RIMS3: variants seen among roughly 807,000 people sequenced by gnomAD.
The protein encoded by RIMS3 is regulating synaptic membrane exocytosis 3.
RIMS3 carries 15 observed loss-of-function variants against 29.2 expected under a neutral mutation model. That is an observed-to-expected ratio of 0.51 (90% CI 0.34 to 0.79). The LOEUF (loss-of-function observed/expected upper bound fraction) is 0.79, where lower values mean the gene tolerates loss of function less well. Among genes scored for constraint, RIMS3 ranks in the 30% least tolerant of loss-of-function variants. RIMS3 has a pLI of 0.01. For missense variants in RIMS3, 342 were observed against 421.4 expected, an observed-to-expected ratio of 0.81 and a Z score of 1.65; for synonymous variants, 161 against 170.1, an observed-to-expected ratio of 0.95 and a Z score of 0.41.
At chr1:40,685,394 AT>A in the RIMS3 span, among the ~76,000 whole-genome samples, 5 of 109,880 alleles carry the variant, frequency 4.6e-5, no homozygotes, top group Non-Finnish European at 7.6e-5. Flanking sequence ...AAATAAAAAA[AT>A]TTATTATGAG....
chr1:40,633,023 G>C (rs374389900), intron 5 of RIMS3, 46 bp downstream of exon 5: 1 of 1,474,164 alleles, frequency 6.8e-7, no homozygotes, highest in Non-Finnish European at 9.5e-7. Flanking sequence ...CCTTCCTGTC[G>C]CATGGTCACC....
intron 2 of RIMS3, among the ~76,000 whole-genome samples, chr1:40,646,732 C>A (rs1253631735): frequency 1.3e-5 from 2 of 152,054 alleles, no homozygotes; most frequent in Non-Finnish European, 2.9e-5. Context: ...TTCTTTTTAG[C>A]CCTTGGATGT....
the RIMS3 span, among the ~76,000 whole-genome samples, chr1:40,683,462 C>G: frequency 6.6e-6 from 1 of 152,220 alleles, no homozygotes; most frequent in Admixed American, 6.5e-5. Flanking sequence ...ACTTCCTCAC[C>G]ATGTGATATC....
Position 40,629,385 on chromosome 1 carries a change from A to C in RIMS3, c.473-13T>G. The C allele has an allele frequency of 1.2e-6, 2 of 1,610,726 alleles. No individual in the cohort carries two copies. The highest frequency in any genetic ancestry group is 1.7e-6 in the Non-Finnish European group (2 of 1,176,928). On this transcript the variant is annotated splice_polypyrimidine_tract_variant and intron_variant, in intron 5 of 7. Transcript: ENST00000372684. ...ATGTGCACATCTCCTGAAAGGAAGA[A>C]GAGGGTGAGTCCAGGCAGGGCCAGA...
intron 1 of RIMS3, among the ~76,000 whole-genome samples, chr1:40,662,314 A>G (rs1254618258): frequency 1.3e-5 from 2 of 152,018 alleles, no homozygotes; most frequent in African/African-American, 4.8e-5. Flanking sequence ...CGCCTCTACA[A>G]TTCCTTGGCA....
chr1:40,668,619 C>T (rs1642456210), upstream of RIMS3, among the ~76,000 whole-genome samples: 1 of 151,740 alleles, frequency 6.6e-6, no homozygotes, highest in Non-Finnish European at 1.5e-5. Flanking sequence ...ATATTTAACA[C>T]CATAATGTAT....
chr1:40,637,477 A>T (rs902752818), intron 3 of RIMS3, among the ~76,000 whole-genome samples: 6 of 123,748 alleles, frequency 4.8e-5, no homozygotes, highest in African/African-American at 1.6e-4. Context: ...CACCATCAAC[A>T]TGTCAGTCTG....
upstream of RIMS3, among the ~76,000 whole-genome samples, chr1:40,667,706 AC>A (rs1642442729): frequency 6.6e-6 from 1 of 152,216 alleles, no homozygotes; most frequent in Admixed American, 6.5e-5. Context: ...CTTACCCGAT[AC>A]TAAAACATAC....
intron 1 of RIMS3, among the ~76,000 whole-genome samples, chr1:40,661,027 C>T (rs1642344261): frequency 6.6e-6 from 1 of 152,148 alleles, no homozygotes; most frequent in African/African-American, 2.4e-5. Context: ...CTTGGGCAAA[C>T]TCCAAGTTAT....
chr1:40,682,741 C>CTT, the RIMS3 span, among the ~76,000 whole-genome samples: 193 of 77,514 alleles, frequency 2.5e-3, 24 homozygotes, highest in East Asian at 8.1e-3. Flanking sequence ...CTTTGCAGAT[C>CTT]TTTTTTTTTT....
chr1:40,649,031 T>G (rs1020784510), intron 1 of RIMS3, among the ~76,000 whole-genome samples: 2 of 151,722 alleles, frequency 1.3e-5, no homozygotes, highest in Non-Finnish European at 2.9e-5. Flanking sequence ...CAGGGAGAGG[T>G]GGGCGGGTGA....
rs1171334514 is a variant in RIMS3 at position 40,654,177 on chromosome 1, C to T, written c.-206-6335G>A. Among the ~76,000 whole-genome samples the T allele has an allele frequency of 6.6e-6, 1 of 151,684 alleles. No individual in the cohort carries two copies. Among genetic ancestry groups the T allele is most frequent in the Non-Finnish European group, 1.5e-5 (1 of 67,876 alleles). ...CCCGCCCCTCCCCCTCCCCGCCCCTCCCCCGCGCCGCTGACGAGGCCGGAT... is the reference window on the plus strand; with the variant it reads ...CCCGCCCCTCCCCCTCCCCGCCCCTTCCCCGCGCCGCTGACGAGGCCGGAT... On this transcript the variant is annotated intron_variant, in intron 1 of 7. Transcript: ENST00000372684. The surrounding 1 kb of genome is among the most constrained non-coding windows in gnomAD (Gnocchi z 5.3).
chr1:40,641,135 C>T (rs531136969), intron 3 of RIMS3, among the ~76,000 whole-genome samples: 1 of 152,260 alleles, frequency 6.6e-6, no homozygotes, highest in South Asian at 2.1e-4. Flanking sequence ...ACAGGCGAGA[C>T]TGAATCTTTT....
chr1:40,638,523 G>A (rs1646535757), intron 3 of RIMS3, among the ~76,000 whole-genome samples: 1 of 152,140 alleles, frequency 6.6e-6, no homozygotes. Context: ...AACAAAGGAG[G>A]GGCACTCACA....
the RIMS3 span, among the ~76,000 whole-genome samples, chr1:40,684,104 A>G: frequency 6.6e-6 from 1 of 152,210 alleles, no homozygotes; most frequent in Admixed American, 6.5e-5. Context: ...GAGCCTAAGA[A>G]TCTAGTCACC....
rs967818547 is a variant in RIMS3, at chr1:40,642,952, T to C, written c.-31-996A>G. ...GCCTGGGTGACAGACCGAGACTCTG[T>C]CTCAAAAAAAAAAAAAAATATTATA... is the stretch of plus-strand genomic sequence containing the variant. On this transcript the variant is annotated intron_variant, in intron 2 of 7. Transcript: ENST00000372684. Among the ~76,000 whole-genome samples the C allele has an allele frequency of 1.6e-4, 9 of 57,656 alleles. No homozygotes were observed. The East Asian group carries it at 2.3e-3, about 15-fold the overall frequency. 37.8% of individuals were successfully genotyped at this position (57,656 alleles called of 152,430 possible). A position where few individuals can be genotyped will look rare whatever the true frequency, so the allele number is the denominator to read the frequency against.
At chr1:40,686,277 T>C in the RIMS3 span, among the ~76,000 whole-genome samples, 1 of 152,176 alleles carries the variant, frequency 6.6e-6, no homozygotes, top group African/African-American at 2.4e-5. Flanking sequence ...TATCCAAACT[T>C]GAACTCATGA....
upstream of RIMS3, chr1:40,669,064 C>T (rs908196597): frequency 1.3e-5 from 2 of 152,252 alleles, no homozygotes; most frequent in African/African-American, 2.4e-5. Flanking sequence ...TCACCACTTC[C>T]CTCGCGTGGC....
chr1:40,627,066 G>C (rs1646459275), intron 7 of RIMS3, among the ~76,000 whole-genome samples: 1 of 152,112 alleles, frequency 6.6e-6, no homozygotes, highest in Non-Finnish European at 1.5e-5. Context: ...TTAGGACCTG[G>C]GTGTGTGACT....
Sources: gnomAD v4.1 joint callset for allele counts (sites outside exome capture counted in the v4.1 genomes callset) on GRCh38, gnomAD v4.1.1 for gene constraint, Gnocchi (gnomAD v3.1) non-coding constraint, MANE v1.5 for transcripts, NCBI Gene and HGNC (gene_info 2026-07-23, HGNC 2026-07-21) for gene names.